The following ANKRD6 variants were observed in gnomAD, a reference collection of about 807,000 sequenced individuals.
ANKRD6 encodes ankyrin repeat domain-containing protein 6.
Under a neutral mutation model 82.3 loss-of-function variants are expected in ANKRD6, and 56 were observed. The observed-to-expected ratio is 0.68, with a 90% CI of 0.55 to 0.85. The LOEUF is 0.85. Ranked by LOEUF, ANKRD6 falls within the 40% of genes least tolerant of loss-of-function variation. The pLI is 0.00. For missense variants in ANKRD6, 852 were observed against 907.6 expected, an observed-to-expected ratio of 0.94 and a Z score of 0.79; for synonymous variants, 347 against 352.1, an observed-to-expected ratio of 0.99 and a Z score of 0.16.
At chr6:89,486,522 T>C (rs144135913) in intron 1 of ANKRD6, among the ~76,000 whole-genome samples, 221 of 152,222 alleles carry the variant, frequency 1.5e-3, no homozygotes, top group African/African-American at 5.1e-3. Context: ...CAAAATACCA[T>C]AGACGGGTGG....
intron 1 of ANKRD6, among the ~76,000 whole-genome samples, chr6:89,463,151 A>G (rs1195483946): frequency 6.6e-6 from 1 of 152,168 alleles, no homozygotes; most frequent in Non-Finnish European, 1.5e-5. Flanking sequence ...TACAGCCATG[A>G]GCCATCATAC....
Position 89,442,636 on chromosome 6 carries a change from C to CAA in ANKRD6, c.-144+9281_-144+9282dup, listed in dbSNP as rs59245345. Among the ~76,000 whole-genome samples, 3,033 of 97,356 alleles carry CAA rather than the reference C, an allele frequency of 0.031. 294 individuals carry two copies. The East Asian group carries it at 0.38, about 12-fold the overall frequency. 63.9% of individuals were successfully genotyped at this position (97,356 alleles called of 152,430 possible). A position where few individuals can be genotyped will look rare whatever the true frequency, so the allele number is the denominator to read the frequency against. On this transcript the variant is annotated intron_variant, in intron 1 of 15. Coordinates refer to ENST00000339746, the MANE Select transcript of ANKRD6 (RefSeq NM_001242809.2). ...TGGGCAACAGAGCAAAACCCTGTCT[C>CAA]AAAAAAAAAAAAAAAAAAAAAGACA...
chr6:89,497,515 G>A (rs1778770258), intron 1 of ANKRD6, among the ~76,000 whole-genome samples: 1 of 152,162 alleles, frequency 6.6e-6, no homozygotes, highest in African/African-American at 2.4e-5. Context: ...ATGACTAGAT[G>A]CTGCTTTTCC....
intron 1 of ANKRD6, among the ~76,000 whole-genome samples, chr6:89,445,264 C>CTTTTTTTTTTTTTT (rs1227274602): frequency 4.7e-5 from 3 of 64,088 alleles, no homozygotes; most frequent in African/African-American, 6.3e-5. Flanking sequence ...AGAGATCTTT[C>CTTTTTTTTTTTTTT]TTTTTTTTTT....
At chr6:89,498,177 C>CT (rs1408419024) in intron 1 of ANKRD6, among the ~76,000 whole-genome samples, 3 of 152,190 alleles carry the variant, frequency 2.0e-5, no homozygotes, top group Non-Finnish European at 4.4e-5. Context: ...CATGGTCAGT[C>CT]TTACTCCCTC....
chr6:89,496,185 C>T (rs566686208), intron 1 of ANKRD6, among the ~76,000 whole-genome samples: 1 of 151,748 alleles, frequency 6.6e-6, no homozygotes, highest in African/African-American at 2.4e-5. Flanking sequence ...TGCCCCCCCC[C>T]CCACCATAAT....
intron 1 of ANKRD6, among the ~76,000 whole-genome samples, chr6:89,443,967 A>T (rs994909513): frequency 1.3e-5 from 2 of 152,254 alleles, no homozygotes; most frequent in African/African-American, 4.8e-5. Context: ...AAAAGTTGGC[A>T]CTGGGGCTTT....
chr6:89,620,670 G>A (rs1205810185), intron 9 of ANKRD6, among the ~76,000 whole-genome samples: 2 of 152,114 alleles, frequency 1.3e-5, no homozygotes, highest in Non-Finnish European at 2.9e-5. Flanking sequence ...AGGCAGGTAG[G>A]GAAGCACCTG....
At chr6:89,472,611 G>A (rs1353712777) in intron 1 of ANKRD6, among the ~76,000 whole-genome samples, 3 of 152,158 alleles carry the variant, frequency 2.0e-5, no homozygotes, top group Admixed American at 1.3e-4. Context: ...GTTATGGAAC[G>A]CTTATAGAAG....
intron 1 of ANKRD6, among the ~76,000 whole-genome samples, chr6:89,530,110 T>C (rs1198786746): frequency 6.6e-6 from 1 of 151,786 alleles, no homozygotes; most frequent in African/African-American, 2.4e-5. Context: ...CAAAAATTAG[T>C]TGGGCACGGT....
intron 1 of ANKRD6, among the ~76,000 whole-genome samples, chr6:89,512,552 G>C (rs1780676256): frequency 6.6e-6 from 1 of 152,200 alleles, no homozygotes; most frequent in African/African-American, 2.4e-5. Context: ...GTGCAGCCTG[G>C]AGTGTGGGGC....
In ANKRD6 at chr6:89,624,571, A is replaced by G; in HGVS notation, c.1251A>G (p.Leu417=). 6.4e-7 allele frequency: 1 copy of G among 1,554,764 alleles called. No individual in the cohort carries two copies. The highest frequency in any genetic ancestry group is 1.2e-5 in the South Asian group (1 of 84,188). Residue 417 remains leucine (L), a synonymous_variant, in exon 13 of 16, where the codon CTA becomes CTG. Transcript: ENST00000339746. ...TAAATGGTTGTCGATGTGAACCTCT[A>G]ATCAACAAGCTGGAGAATCAGTTGG... ...APINGCRCEP[L]INKLENQLEA... is the part of the protein sequence containing the mutation.
At chr6:89,583,070 G>A (rs1792931586) in intron 2 of ANKRD6, among the ~76,000 whole-genome samples, 1 of 152,210 alleles carries the variant, frequency 6.6e-6, no homozygotes, top group African/African-American at 2.4e-5. Flanking sequence ...CCTAGATGCT[G>A]TGGTTTAGTT....
intron 3 of ANKRD6, among the ~76,000 whole-genome samples, chr6:89,597,932 A>G (rs1294942765): frequency 2.0e-5 from 3 of 152,214 alleles, no homozygotes; most frequent in African/African-American, 7.2e-5. Flanking sequence ...CTTGAAATAC[A>G]TGCAAGAAAT....
At chr6:89,560,432 A>G (rs1401630237) in intron 1 of ANKRD6, among the ~76,000 whole-genome samples, 1 of 152,166 alleles carries the variant, frequency 6.6e-6, no homozygotes, top group Non-Finnish European at 1.5e-5. Flanking sequence ...AATTCACCTT[A>G]ATTATCTCCT....
chr6:89,599,720 T>G (rs575905326), intron 3 of ANKRD6, among the ~76,000 whole-genome samples: 1 of 152,346 alleles, frequency 6.6e-6, no homozygotes, highest in South Asian at 2.1e-4. Context: ...ATTGTTTACA[T>G]GTTTCATGTC....
intron 1 of ANKRD6, among the ~76,000 whole-genome samples, chr6:89,507,763 T>G (rs538722027): frequency 5.3e-5 from 8 of 152,364 alleles, no homozygotes; most frequent in African/African-American, 1.9e-4. Flanking sequence ...CATACACATC[T>G]AATCCTACTT....
intron 14 of ANKRD6, chr6:89,628,794 A>C: frequency 3.7e-6 from 1 of 268,168 alleles, no homozygotes; most frequent in East Asian, 9.3e-5. Context: ...ACAAACAAAA[A>C]AAAAAACTAA....
At chr6:89,508,633 C>T (rs1459132642) in intron 1 of ANKRD6, among the ~76,000 whole-genome samples, 3 of 152,080 alleles carry the variant, frequency 2.0e-5, no homozygotes, top group Non-Finnish European at 2.9e-5. Flanking sequence ...TTGAAATTGT[C>T]GGACACGGTC....
Sources: gnomAD v4.1 joint callset for allele counts (sites outside exome capture counted in the v4.1 genomes callset) on GRCh38, gnomAD v4.1.1 for gene constraint, MANE v1.5 for transcripts, NCBI Gene and HGNC (gene_info 2026-07-23, HGNC 2026-07-21) for gene names.